UBE2V1: variants seen among roughly 807,000 people sequenced by gnomAD.
The protein encoded by UBE2V1 is ubiquitin conjugating enzyme E2 V1, also known as ubiquitin-conjugating enzyme E2 variant 1.
UBE2V1 carries 15 observed loss-of-function variants against 19.6 expected under a neutral mutation model. That is an observed-to-expected ratio of 0.77 (90% CI 0.51 to 1.18). The LOEUF (loss-of-function observed/expected upper bound fraction) is 1.18. UBE2V1 is among the 50% of genes most tolerant of loss of function. UBE2V1 has a pLI of 0.00. For synonymous variants in UBE2V1, 60 were observed against 60.7 expected (o/e 0.99, Z 0.05); for missense variants, 125 against 184.8 (o/e 0.68, Z 1.88).
At position 50,081,622 on chromosome 20, in the gene UBE2V1, T is replaced by A. The variant is rs1265068992; in HGVS notation, c.*1146A>T. The A allele has an allele frequency of 1.2e-5, 2 of 161,420 alleles. No homozygotes were observed. Among genetic ancestry groups the A allele is most frequent in the Non-Finnish European group, 2.7e-5 (2 of 73,992 alleles). The allele number at this position is 161,420 out of a possible 1,614,324, so 10.0% of individuals were successfully genotyped here. ...TGTCAGATTCCAAACTAGACCCCAA[T>A]GGATTGCAAGGATGACCAAATGAAA... On this transcript the variant is annotated 3_prime_UTR_variant, in exon 4 of 4. Coordinates refer to ENST00000371674, the MANE Select transcript of UBE2V1 (RefSeq NM_001032288.3).
chr20:50,088,230 C>A (rs2079034922), intron 2 of UBE2V1, among the ~76,000 whole-genome samples: 1 of 151,818 alleles, frequency 6.6e-6, no homozygotes, highest in South Asian at 2.1e-4. Context: ...CCACGAGGAG[C>A]CAGAGATATG....
intron 2 of UBE2V1, among the ~76,000 whole-genome samples, chr20:50,091,117 G>A (rs2079193515): frequency 6.6e-6 from 1 of 152,036 alleles, no homozygotes; most frequent in African/African-American, 2.4e-5. Flanking sequence ...TATGATCTTG[G>A]CCCACTGAAA....
Position 50,096,806 on chromosome 20 carries a change from G to A in UBE2V1, c.37C>T (p.Arg13Cys), listed in dbSNP as rs1294750131. 2 of 1,613,888 alleles carry A rather than the reference G, an allele frequency of 1.2e-6. No individual in the cohort carries two copies. Among genetic ancestry groups the A allele is most frequent in the South Asian group, 1.1e-5 (1 of 91,048 alleles). Residue 13 changes from arginine (R) to cysteine (C), a missense_variant, in exon 2 of 4, where the codon CGC becomes TGC. This residue lies in a region of UBE2V1 where 28 missense variants were observed against 22.5 expected (regional missense o/e 1.25). Transcript: ENST00000371674. ...ATTGSGVKVP[R>C]NFRLLEELEE... is the part of the protein sequence containing the mutation. ...AGTTCTTCCAACAGTCGGAAATTGC[G>A]AGGGACTTTTACTCCTAAAATAAAT...
At chr20:50,113,328 A>C (rs908716822), upstream of UBE2V1, 2 of 396,542 alleles carry the variant, frequency 5.0e-6, no homozygotes, top group Non-Finnish European at 8.8e-6. Flanking sequence ...AGGGCCCAGC[A>C]ACCTGCAAGT....
intron 1 of UBE2V1, among the ~76,000 whole-genome samples, chr20:50,105,085 G>A (rs1256378428): frequency 1.3e-5 from 2 of 152,014 alleles, no homozygotes; most frequent in Non-Finnish European, 2.9e-5. Flanking sequence ...TTTAAAATAA[G>A]GGAAAACTGG....
chr20:50,096,949 C>G, intron 1 of UBE2V1, 129 bp from the exon 2 acceptor site: 1 of 1,444,440 alleles, frequency 6.9e-7, no homozygotes, highest in Non-Finnish European at 9.2e-7. Context: ...GGAAAGTTAT[C>G]ACACCTCAAA....
intron 3 of UBE2V1, 89 bp from the exon 4 acceptor site, chr20:50,083,003 T>G: frequency 6.4e-7 from 1 of 1,550,730 alleles, no homozygotes. Context: ...CAAACTGGAG[T>G]AAGATGTACT....
chr20:50,115,161 C>T (rs533528073), upstream of UBE2V1: 309 of 236,930 alleles, frequency 1.3e-3, no homozygotes, highest in Non-Finnish European at 1.5e-3. Flanking sequence ...ACCTCTGCGG[C>T]GACACTGGCC....
chr20:50,085,651 T>C (rs994430068), intron 2 of UBE2V1, among the ~76,000 whole-genome samples: 8 of 152,198 alleles, frequency 5.3e-5, no homozygotes, highest in Non-Finnish European at 1.2e-4. Flanking sequence ...TAGTGGTCTT[T>C]GGGGAGAATA....
intron 2 of UBE2V1, among the ~76,000 whole-genome samples, chr20:50,088,766 A>G (rs144241428): frequency 1.4e-5 from 2 of 147,788 alleles, no homozygotes; most frequent in Admixed American, 1.4e-4. Context: ...AGCCTGGGTG[A>G]CAGAATGAGA....
At position 50,094,046 on chromosome 20, in the gene UBE2V1, T is replaced by A. The variant is rs1261973309; in HGVS notation, c.171+2626A>T. Among the ~76,000 whole-genome samples the A allele has an allele frequency of 8.7e-3, 947 of 108,802 alleles. 7 individuals are homozygous for A. Among genetic ancestry groups the A allele is most frequent in the Non-Finnish European group, 0.014 (740 of 51,930 alleles). The allele number at this position is 108,802 out of a possible 152,430, so 71.4% of individuals were successfully genotyped here. On this transcript the variant is annotated intron_variant, in intron 2 of 3. Coordinates refer to ENST00000371674, the MANE Select transcript of UBE2V1 (RefSeq NM_001032288.3). ...ATAATAATAATAAAATATATATATA[T>A]AAAATATATTATGTATGTTATATAT...
At chr20:50,092,554 A>G (rs1039888034) in intron 2 of UBE2V1, among the ~76,000 whole-genome samples, 3 of 152,188 alleles carry the variant, frequency 2.0e-5, no homozygotes, top group Non-Finnish European at 2.9e-5. Context: ...ATGACAAAGA[A>G]AAGAACCAGC....
chr20:50,098,274 C>G (rs2079763600), intron 1 of UBE2V1, among the ~76,000 whole-genome samples: 1 of 152,086 alleles, frequency 6.6e-6, no homozygotes, highest in Non-Finnish European at 1.5e-5. Context: ...CAAAGGACAG[C>G]AAGGAGGCCA....
At chr20:50,084,943 C>G (rs1490600208) in intron 2 of UBE2V1, among the ~76,000 whole-genome samples, 1 of 129,078 alleles carries the variant, frequency 7.7e-6, no homozygotes, top group Non-Finnish European at 1.6e-5. Context: ...GTTGCCCAGG[C>G]TGGAGTGCAA....
chr20:50,113,107 C>A lies in UBE2V1; in HGVS notation c.22G>T (p.Gly8Ter). ...GGCCGGGCCCGGCGCCCCCGCTCAC[C>A]CGAGCCCGTGGTGGCTGCCATCTTG... MAATTGS[G>*]VKVPRNFRLL... Residue 8 changes from glycine (G) to a stop codon, truncating the protein, a stop_gained and splice_region_variant, in exon 1 of 4, where the codon GGA (glycine) becomes TGA (stop). Coordinates refer to ENST00000371674, the MANE Select transcript of UBE2V1 (RefSeq NM_001032288.3). LOFTEE classifies it high-confidence loss of function. 7.4e-7 allele frequency: 1 copy of A among 1,349,978 alleles called. No individual in the cohort carries two copies. The highest frequency in any genetic ancestry group is 3.0e-5 in the East Asian group (1 of 33,678). The allele number at this position is 1,349,978 out of a possible 1,614,324, so 83.6% of individuals were successfully genotyped here. A position where few individuals can be genotyped will look rare whatever the true frequency, so the allele number is the denominator to read the frequency against.
chr20:50,094,010 A>AAATAATAATAAT (rs1322348656), intron 2 of UBE2V1, among the ~76,000 whole-genome samples: 1 of 94,732 alleles, frequency 1.1e-5, no homozygotes, highest in African/African-American at 5.3e-5. Context: ...AAAAAAAAAA[A>AAATAATAATAAT]AATAATAATA....
intron 1 of UBE2V1, among the ~76,000 whole-genome samples, chr20:50,102,268 C>A (rs1043644247): frequency 3.3e-5 from 5 of 151,926 alleles, no homozygotes; most frequent in African/African-American, 4.8e-5. Flanking sequence ...ACAACAACAA[C>A]AAAAAACAAA....
At position 50,082,558 on chromosome 20, in the gene UBE2V1, G is replaced by C. The variant is rs1449714514; in HGVS notation, c.*210C>G. The C allele has an allele frequency of 2.3e-6, 2 of 886,030 alleles. No homozygotes were observed. Among genetic ancestry groups the C allele is most frequent in the East Asian group, 5.9e-5 (2 of 33,880 alleles). 54.9% of individuals were successfully genotyped at this position (886,030 alleles called of 1,614,324 possible). ...GGACAGTGGTTACACTTGACAGGATGATTTGTTATAGCACAACTTATATAT... is the reference window on the plus strand; with the variant it reads ...GGACAGTGGTTACACTTGACAGGATCATTTGTTATAGCACAACTTATATAT... On this transcript the variant is annotated 3_prime_UTR_variant, in exon 4 of 4. Coordinates refer to ENST00000371674, the MANE Select transcript of UBE2V1 (RefSeq NM_001032288.3).
intron 2 of UBE2V1, among the ~76,000 whole-genome samples, chr20:50,086,228 G>A (rs1420841295): frequency 6.6e-6 from 1 of 151,950 alleles, no homozygotes; most frequent in Non-Finnish European, 1.5e-5. Flanking sequence ...TCTCCACCTT[G>A]GGGCTCTCAC....
Sources: gnomAD v4.1 joint callset for allele counts (sites outside exome capture counted in the v4.1 genomes callset) on GRCh38, gnomAD v4.1.1 for gene constraint, gnomAD v4.1.1 regional missense constraint, MANE v1.5 for transcripts, NCBI Gene and HGNC (gene_info 2026-07-23, HGNC 2026-07-21) for gene names.